The following ST13 variants were observed in gnomAD, a reference collection of about 807,000 sequenced individuals.
ST13 encodes the protein hsc70-interacting protein.
Under a neutral mutation model 56.7 loss-of-function variants are expected in ST13, and 23 were observed. That is an observed-to-expected ratio of 0.41 (90% CI 0.29 to 0.57). The LOEUF is 0.57. ST13 is among the 20% of genes least tolerant of loss of function. ST13 has a pLI of 0.36. For missense variants in ST13, 369 were observed against 459.9 expected (o/e 0.80, Z 1.81); for synonymous variants, 132 against 142.4 (o/e 0.93, Z 0.52).
At chr22:40,843,253 C>T (rs1022767744) in intron 4 of ST13, among the ~76,000 whole-genome samples, 2 of 152,026 alleles carry the variant, frequency 1.3e-5, no homozygotes, top group Non-Finnish European at 1.5e-5. Context: ...TATCTTTTCC[C>T]GAACTTGATT....
chr22:40,855,857 G>A (rs1459208426), intron 1 of ST13, among the ~76,000 whole-genome samples: 1 of 146,202 alleles, frequency 6.8e-6, no homozygotes, highest in Non-Finnish European at 1.5e-5. Flanking sequence ...GACGTGTTTG[G>A]AGTGATAACA....
chr22:40,836,363 C>A lies in ST13; in HGVS notation c.383-476G>T, dbSNP rs373683719. ...CCACTTGGGAGGCTGAGGAGTGGCG[C>A]GAACCCGGGAGGCGGAGCTTCCAGT... On this transcript the variant is annotated intron_variant, in intron 5 of 11. Transcript: ENST00000216218. Among the ~76,000 whole-genome samples, 44 of 152,176 alleles carry A rather than the reference C, an allele frequency of 2.9e-4. 1 individual carries two copies. Among genetic ancestry groups the A allele is most frequent in the Middle Eastern group, 3.4e-3 (1 of 294 alleles).
At chr22:40,855,880 G>A (rs577207176) in intron 1 of ST13, among the ~76,000 whole-genome samples, 1 of 152,072 alleles carries the variant, frequency 6.6e-6, no homozygotes, top group Non-Finnish European at 1.5e-5. Context: ...GCCAAGTAAC[G>A]GAGGTATAAT....
At chr22:40,839,150 T>C (rs1423101517) in intron 5 of ST13, among the ~76,000 whole-genome samples, 1 of 152,150 alleles carries the variant, frequency 6.6e-6, no homozygotes, top group East Asian at 1.9e-4. Context: ...AGGTAAACTA[T>C]TAAGGCAACT....
chr22:40,841,863 G>A (rs1414499991), intron 4 of ST13, among the ~76,000 whole-genome samples: 1 of 152,026 alleles, frequency 6.6e-6, no homozygotes, highest in Non-Finnish European at 1.5e-5. Flanking sequence ...AAAGTTCTGG[G>A]ATTAGAAGCA....
At chr22:40,849,353 C>T (rs567718777) in intron 2 of ST13, among the ~76,000 whole-genome samples, 1 of 151,806 alleles carries the variant, frequency 6.6e-6, no homozygotes, top group Non-Finnish European at 1.5e-5. Flanking sequence ...TGGTGGGCAC[C>T]TGTAGTCCCA....
At position 40,825,698 on chromosome 22, in the gene ST13, A is replaced by C. The variant is rs1439619726; in HGVS notation, c.*840T>G. On this transcript the variant is annotated 3_prime_UTR_variant, in exon 12 of 12. Transcript: ENST00000216218. Reference sequence around the variant, plus strand: ...GAAAAGTAAGGGAGACAAATGTAGCAAGCAGAAAGCAAACACAGATTTGGG... The same window carrying C: ...GAAAAGTAAGGGAGACAAATGTAGCCAGCAGAAAGCAAACACAGATTTGGG... The C allele has an allele frequency of 6.6e-6, 1 of 152,142 alleles. No individual in the cohort carries two copies. The highest frequency in any genetic ancestry group is 1.5e-5 in the Non-Finnish European group (1 of 68,022). The allele number at this position is 152,142 out of a possible 1,614,324, so 9.4% of individuals were successfully genotyped here. A position where few individuals can be genotyped will look rare whatever the true frequency, so the allele number is the denominator to read the frequency against.
chr22:40,837,274 C>A (rs2057782109), intron 5 of ST13, among the ~76,000 whole-genome samples: 1 of 152,182 alleles, frequency 6.6e-6, no homozygotes, highest in African/African-American at 2.4e-5. Context: ...ACTTAAATGT[C>A]TAATAAACAA....
chr22:40,836,294 A>C (rs1807677), intron 5 of ST13, among the ~76,000 whole-genome samples: 9,389 of 152,292 alleles, frequency 0.062, 393 homozygotes, highest in East Asian at 0.2. Context: ...ACTAAAAAAT[A>C]CAAAAAATTA....
intron 4 of ST13, among the ~76,000 whole-genome samples, chr22:40,840,903 A>G (rs938635290): frequency 1.3e-5 from 2 of 152,046 alleles, no homozygotes; most frequent in Non-Finnish European, 2.9e-5. Flanking sequence ...TCACTCCTAC[A>G]CTCTGCCCGA....
chr22:40,842,739 T>C (rs2057810429), intron 4 of ST13, among the ~76,000 whole-genome samples: 1 of 152,102 alleles, frequency 6.6e-6, no homozygotes, highest in Admixed American at 6.6e-5. Flanking sequence ...AAATAAAAAA[T>C]TATAAACCTA....
intron 3 of ST13, among the ~76,000 whole-genome samples, chr22:40,846,404 G>C (rs1377843350): frequency 6.6e-6 from 1 of 152,134 alleles, no homozygotes; most frequent in East Asian, 1.9e-4. Flanking sequence ...TTATAGTCAT[G>C]CTGTATACTG....
chr22:40,844,947 G>A (rs574268260), intron 3 of ST13, 38 bp from the exon 4 acceptor site: 22 of 1,437,132 alleles, frequency 1.5e-5, no homozygotes, highest in South Asian at 9.7e-5. Flanking sequence ...GACCTGCACC[G>A]TACAATATAG....
Position 40,854,384 on chromosome 22 carries a change from A to T in ST13, c.110+2047T>A, listed in dbSNP as rs558609470. Among the ~76,000 whole-genome samples, 94 of 152,364 alleles carry T rather than the reference A, an allele frequency of 6.2e-4. 1 individual carries two copies. Among genetic ancestry groups the T allele is most frequent in the African/African-American group, 2.1e-3 (89 of 41,576 alleles). ...GAATAAAGTCCCTACATATGCCATG[A>T]TGCTTCACCCCATACTTCAGCCAAC... On this transcript the variant is annotated intron_variant, in intron 1 of 11. Coordinates refer to ENST00000216218, the MANE Select transcript of ST13 (RefSeq NM_003932.5).
At chr22:40,835,473 C>T in intron 7 of ST13, 87 bp downstream of exon 7, 2 of 1,174,724 alleles carry the variant, frequency 1.7e-6, no homozygotes, top group African/African-American at 1.5e-5. Context: ...TCATTAGGAA[C>T]TTTTGTGTTT....
At chr22:40,842,804 G>A (rs1480314919) in intron 4 of ST13, among the ~76,000 whole-genome samples, 1 of 152,110 alleles carries the variant, frequency 6.6e-6, no homozygotes, top group Non-Finnish European at 1.5e-5. Flanking sequence ...AACCTTTAAA[G>A]TTTCCTTTGA....
chr22:40,841,199 A>C (rs1287846806), intron 4 of ST13, among the ~76,000 whole-genome samples: 1 of 147,910 alleles, frequency 6.8e-6, no homozygotes, highest in Non-Finnish European at 1.5e-5. Flanking sequence ...CTCTCCAAAA[A>C]AAAGAAAAAA....
At chr22:40,844,312 G>A (rs1243067591) in intron 4 of ST13, among the ~76,000 whole-genome samples, 1 of 152,158 alleles carries the variant, frequency 6.6e-6, no homozygotes, top group Admixed American at 6.6e-5. Flanking sequence ...ATATTAGAGT[G>A]TTTCTCAAAT....
At chr22:40,836,153 T>C (rs773492501) in intron 5 of ST13, among the ~76,000 whole-genome samples, 2 of 152,090 alleles carry the variant, frequency 1.3e-5, no homozygotes, top group African/African-American at 4.8e-5. Flanking sequence ...ATATTGATCT[T>C]GTTTAAGGAA....
Sources: allele counts gnomAD v4.1 joint callset (sites outside exome capture counted in the v4.1 genomes callset), GRCh38; gene constraint gnomAD v4.1.1; transcripts MANE v1.5; gene names NCBI Gene and HGNC (gene_info 2026-07-23, HGNC 2026-07-21).